The following CGNL1 variants were observed in gnomAD, a reference collection of about 807,000 sequenced individuals.
The protein encoded by CGNL1 is cingulin like 1.
CGNL1 carries 132 observed loss-of-function variants against 141.2 expected under a neutral mutation model. The ratio of observed to expected loss-of-function variants is 0.93; its 90% confidence interval spans 0.81 to 1.08. The LOEUF is 1.08. Among genes scored for constraint, CGNL1 ranks in the 50% least tolerant of loss-of-function variants. The pLI is 0.00. For missense variants in CGNL1, 1,870 were observed against 1,588.6 expected (o/e 1.18, Z -3.01); for synonymous variants, 690 against 622.1 (o/e 1.11, Z -1.63).
chr15:57,381,907 G>T (rs1388606339), intron 1 of CGNL1, among the ~76,000 whole-genome samples: 4 of 152,202 alleles, frequency 2.6e-5, no homozygotes, highest in African/African-American at 9.6e-5. Context: ...GCTTTTCTAG[G>T]TGTCTTAAAG....
chr15:57,527,394 C>G (rs1013018778), intron 12 of CGNL1: 1 of 152,244 alleles, frequency 6.6e-6, no homozygotes, highest in African/African-American at 2.4e-5. Flanking sequence ...CGGAGATGGC[C>G]ATTCACTTTC....
At chr15:57,409,806 C>CT (rs1247778701) in intron 1 of CGNL1, among the ~76,000 whole-genome samples, 1 of 152,106 alleles carries the variant, frequency 6.6e-6, no homozygotes, top group Admixed American at 6.5e-5. Flanking sequence ...TGAGTCTAAC[C>CT]AGGGAGTTGT....
intron 1 of CGNL1, among the ~76,000 whole-genome samples, chr15:57,421,631 T>C (rs1343077378): frequency 1.3e-5 from 2 of 152,190 alleles, no homozygotes; most frequent in East Asian, 3.9e-4. Context: ...TTTCCCCAAA[T>C]ATTCTGAGCC....
intron 15 of CGNL1, among the ~76,000 whole-genome samples, chr15:57,543,989 G>C (rs997978490): frequency 6.6e-6 from 1 of 152,164 alleles, no homozygotes; most frequent in Non-Finnish European, 1.5e-5. Context: ...AATTGCATGT[G>C]TTATTTTCTA....
In CGNL1 at chr15:57,437,974, C is replaced by T; in HGVS notation, c.-15-11C>T. On this transcript the variant is annotated splice_polypyrimidine_tract_variant and intron_variant, in intron 1 of 18. Coordinates refer to ENST00000281282, the MANE Select transcript of CGNL1 (RefSeq NM_032866.5). ...CTAATGTCCTCTTTTTACCCCATCT[C>T]TCCCTGGTAGCTGGAACAGTGAACC... is the stretch of plus-strand genomic sequence containing the variant. 6.3e-7 allele frequency: 1 copy of T among 1,596,274 alleles called. No homozygotes were observed. The highest frequency in any genetic ancestry group is 8.5e-7 in the Non-Finnish European group (1 of 1,174,134).
intron 8 of CGNL1, among the ~76,000 whole-genome samples, chr15:57,482,193 G>A (rs2063734729): frequency 1.3e-5 from 2 of 151,748 alleles, no homozygotes; most frequent in Non-Finnish European, 2.9e-5. Flanking sequence ...TATGTGGTTT[G>A]TAAAGACATT....
rs779232720 is a variant in CGNL1, at chr15:57,524,620, G to A, written c.2908G>A (p.Glu970Lys). The A allele has an allele frequency of 6.2e-7, 1 of 1,614,000 alleles. No homozygotes were observed. Among genetic ancestry groups the A allele is most frequent in the Admixed American group, 1.7e-5 (1 of 60,020 alleles). Reference sequence around the variant, plus strand: ...TGAGGCCTCCCGTACCTCAACCCTGGAGCTCCAGAACCAGCTGGATGAGTA... The same window carrying A: ...TGAGGCCTCCCGTACCTCAACCCTGAAGCTCCAGAACCAGCTGGATGAGTA... The part of the protein sequence containing the change: ...IVEASRTSTL[E>K]LQNQLDEYKE... Residue 970 changes from glutamate (E) to lysine (K), a missense_variant, in exon 12 of 19, where the codon GAG (glutamate) becomes AAG (lysine). By Grantham distance (56) the Glu-to-Lys change is moderately conservative (BLOSUM62 1). Coordinates refer to ENST00000281282, the MANE Select transcript of CGNL1 (RefSeq NM_032866.5).
intron 1 of CGNL1, 112 bp downstream of exon 1, chr15:57,376,679 T>G (rs2062366369): frequency 6.7e-6 from 1 of 150,124 alleles, no homozygotes; most frequent in African/African-American, 2.5e-5. Flanking sequence ...CTCAGCCAGG[T>G]GCACTGTGCT....
chr15:57,429,251 G>T (rs2063015673), intron 1 of CGNL1, among the ~76,000 whole-genome samples: 1 of 152,176 alleles, frequency 6.6e-6, no homozygotes, highest in African/African-American at 2.4e-5. Context: ...AATCTAAGAA[G>T]ACTCCACTTG....
chr15:57,493,880 T>C (rs1042908132), intron 8 of CGNL1, among the ~76,000 whole-genome samples: 1 of 152,232 alleles, frequency 6.6e-6, no homozygotes, highest in African/African-American at 2.4e-5. Flanking sequence ...GCTCCAATTG[T>C]ATATATGACA....
chr15:57,443,478 A>G (rs1180000788), intron 4 of CGNL1, among the ~76,000 whole-genome samples: 1 of 152,216 alleles, frequency 6.6e-6, no homozygotes, highest in East Asian at 1.9e-4. Context: ...GGCAGGTAAC[A>G]GGAAACTTGT....
intron 8 of CGNL1, among the ~76,000 whole-genome samples, chr15:57,467,710 A>C: frequency 9.7e-6 from 1 of 103,074 alleles, no homozygotes. Context: ...TTTTTTTGAG[A>C]TGGAGTCTGA....
At chr15:57,413,845 C>T (rs1383784093) in intron 1 of CGNL1, among the ~76,000 whole-genome samples, 1 of 152,132 alleles carries the variant, frequency 6.6e-6, no homozygotes, top group African/African-American at 2.4e-5. Flanking sequence ...ACTGCTTGGC[C>T]TTTTCATCCC....
At chr15:57,523,462 G>C in intron 10 of CGNL1, 27 bp from the exon 11 acceptor site, 1 of 1,613,110 alleles carries the variant, frequency 6.2e-7, no homozygotes, top group Non-Finnish European at 8.5e-7. Context: ...GTAGGTGACA[G>C]CACTGTCCTT....
At chr15:57,479,941 G>A (rs181759544) in intron 8 of CGNL1, among the ~76,000 whole-genome samples, 1 of 152,250 alleles carries the variant, frequency 6.6e-6, no homozygotes, top group East Asian at 1.9e-4. Flanking sequence ...AGGTATGAGA[G>A]GGTGACAGCA....
chr15:57,497,251 C>T (rs1163330533), intron 8 of CGNL1, among the ~76,000 whole-genome samples: 1 of 152,148 alleles, frequency 6.6e-6, no homozygotes, highest in Admixed American at 6.5e-5. Flanking sequence ...GCAAGAGGGC[C>T]TCTTTGTTTG....
intron 6 of CGNL1, 43 bp downstream of exon 6, chr15:57,452,332 T>G: frequency 1.9e-6 from 3 of 1,574,630 alleles, no homozygotes; most frequent in Non-Finnish European, 2.6e-6. Flanking sequence ...CCAGGTTCTC[T>G]ATGACATGTA....
At chr15:57,378,779 A>C (rs184415366) in intron 1 of CGNL1, among the ~76,000 whole-genome samples, 1 of 152,192 alleles carries the variant, frequency 6.6e-6, no homozygotes, top group African/African-American at 2.4e-5. Context: ...TGTAAGTCCA[A>C]AGAACATTCA....
chr15:57,495,353 C>T lies in CGNL1; in HGVS notation c.2404-21427C>T, dbSNP rs138682602. 3.9e-3 allele frequency among the ~76,000 whole-genome samples: 596 copies of T among 152,250 alleles called. 6 individuals are homozygous for T. Among genetic ancestry groups the T allele is most frequent in the African/African-American group, 0.014 (564 of 41,540 alleles). ...TTGTAAGATGCAGTGACTCTGGAAC[C>T]TCTGCCAGCTCTGAGACCTCGAGGT... On this transcript the variant is annotated intron_variant, in intron 8 of 18. Transcript: ENST00000281282.
Sources: gnomAD v4.1 joint callset for allele counts (sites outside exome capture counted in the v4.1 genomes callset) on GRCh38, gnomAD v4.1.1 for gene constraint, MANE v1.5 for transcripts, NCBI Gene and HGNC (gene_info 2026-07-23, HGNC 2026-07-21) for gene names.